Variants in PDE9A observed in about 807,000 individuals in gnomAD.
The protein encoded by PDE9A is high affinity cGMP-specific 3',5'-cyclic phosphodiesterase 9A.
Under a neutral mutation model 87.4 loss-of-function variants are expected in PDE9A, and 60 were observed. The observed-to-expected ratio is 0.69, with a 90% CI of 0.56 to 0.85. PDE9A has a LOEUF of 0.85. PDE9A is among the 40% of genes least tolerant of loss of function. The pLI is 0.00. For missense variants in PDE9A, 665 were observed against 779.0 expected (o/e 0.85, Z 1.74); for synonymous variants, 272 against 279.4 (o/e 0.97, Z 0.27).
At chr21:42,769,715 C>T (rs372858905) in intron 17 of PDE9A, among the ~76,000 whole-genome samples, 6 of 152,004 alleles carry the variant, frequency 3.9e-5, no homozygotes, top group Non-Finnish European at 5.9e-5. Flanking sequence ...CACAGGTACA[C>T]GCAGGCACAC....
intron 1 of PDE9A, among the ~76,000 whole-genome samples, chr21:42,683,177 C>T (rs868118802): frequency 2.0e-4 from 30 of 152,326 alleles, no homozygotes; most frequent in South Asian, 1.0e-3. Context: ...TCTCCACTGG[C>T]TCCTGGGCTG....
chr21:42,668,504 C>G (rs1443550989), intron 1 of PDE9A, among the ~76,000 whole-genome samples: 1 of 152,170 alleles, frequency 6.6e-6, no homozygotes, highest in Admixed American at 6.5e-5. Flanking sequence ...TCAGAAATGC[C>G]CCGTGAGAGT....
intron 17 of PDE9A, among the ~76,000 whole-genome samples, chr21:42,769,735 GGCACACACAT>G (rs1181625412): frequency 8.1e-5 from 4 of 49,434 alleles, no homozygotes; most frequent in South Asian, 1.1e-3. Context: ...CACGTACAGA[GGCACACACAT>G]GCACACACAG....
chr21:42,680,292 A>G lies in PDE9A; in HGVS notation c.70-5900A>G, dbSNP rs1349339622. On this transcript the variant is annotated intron_variant, in intron 1 of 19. Coordinates refer to ENST00000291539, the MANE Select transcript of PDE9A (RefSeq NM_002606.3). ...AAAAGAGTGTGATTGGGAGCTAGCC[A>G]GCGGGGCTTAAGGCAGCCCCCTGCT... 3.3e-5 allele frequency among the ~76,000 whole-genome samples: 5 copies of G among 152,200 alleles called. No homozygotes were observed. In the East Asian group the frequency reaches 9.7e-4, roughly 29 times the overall value.
chr21:42,671,556 A>G (rs1420582563), intron 1 of PDE9A, among the ~76,000 whole-genome samples: 2 of 152,258 alleles, frequency 1.3e-5, no homozygotes, highest in African/African-American at 4.8e-5. Flanking sequence ...CAAAATGAAC[A>G]ATATGTCCAA....
At chr21:42,753,615 C>T (rs1156928244) in intron 9 of PDE9A, among the ~76,000 whole-genome samples, 4 of 152,004 alleles carry the variant, frequency 2.6e-5, no homozygotes, top group Non-Finnish European at 5.9e-5. Context: ...GTAATCCCAA[C>T]ACTTGGGGAG....
intron 7 of PDE9A, among the ~76,000 whole-genome samples, chr21:42,742,197 T>C (rs776133862): frequency 5.3e-4 from 81 of 152,268 alleles, no homozygotes; most frequent in Non-Finnish European, 9.0e-4. Context: ...TGGGACTCTG[T>C]AACTGCCCAA....
At chr21:42,669,252 C>G (rs1195680823) in intron 1 of PDE9A, among the ~76,000 whole-genome samples, 2 of 152,110 alleles carry the variant, frequency 1.3e-5, no homozygotes, top group Non-Finnish European at 2.9e-5. Flanking sequence ...TAGAGGCTCC[C>G]CCGGAGATTC....
At chr21:42,693,694 G>T (rs2059995918) in intron 3 of PDE9A, among the ~76,000 whole-genome samples, 2 of 150,884 alleles carry the variant, frequency 1.3e-5, no homozygotes, top group South Asian at 4.2e-4. Flanking sequence ...CCAGGTTCCA[G>T]GGATTCTCCT....
chr21:42,714,616 T>C (rs562961376), intron 4 of PDE9A, among the ~76,000 whole-genome samples: 1,997 of 149,304 alleles, frequency 0.013, 61 homozygotes, highest in African/African-American at 0.046. Flanking sequence ...TACCAGTCTT[T>C]GTTGATATGG....
At chr21:42,670,573 C>T (rs2058475256) in intron 1 of PDE9A, among the ~76,000 whole-genome samples, 1 of 151,820 alleles carries the variant, frequency 6.6e-6, no homozygotes, top group South Asian at 2.1e-4. Flanking sequence ...CACATACACA[C>T]ACCACATACA....
At chr21:42,740,189 T>TC (rs1308198285) in intron 7 of PDE9A, among the ~76,000 whole-genome samples, 1 of 152,004 alleles carries the variant, frequency 6.6e-6, no homozygotes, top group Non-Finnish European at 1.5e-5. Context: ...CTAAAGTGGT[T>TC]CCCCAGCACT....
chr21:42,750,079 G>A (rs1370669533), intron 8 of PDE9A, among the ~76,000 whole-genome samples: 2 of 152,118 alleles, frequency 1.3e-5, no homozygotes, highest in South Asian at 2.1e-4. Flanking sequence ...CAGAGGTTGC[G>A]GTGAGCAAAG....
At chr21:42,687,540 G>A (rs748835815) in intron 2 of PDE9A, among the ~76,000 whole-genome samples, 3 of 151,994 alleles carry the variant, frequency 2.0e-5, no homozygotes, top group Admixed American at 6.6e-5. Flanking sequence ...CAGTTCAGAC[G>A]GACTCCCAAA....
intron 3 of PDE9A, among the ~76,000 whole-genome samples, chr21:42,688,304 G>C (rs9978070): frequency 0.037 from 5,556 of 152,118 alleles, 348 homozygotes; most frequent in African/African-American, 0.13. Flanking sequence ...CCAGGCCCCG[G>C]GATCCCCACA....
At chr21:42,733,755 T>A (rs928658347) in intron 7 of PDE9A, 1 of 333,262 alleles carries the variant, frequency 3.0e-6, no homozygotes, top group Non-Finnish European at 5.6e-6. Flanking sequence ...TGTGTGTAAA[T>A]GAAGACATTC....
chr21:42,664,146 TG>T, intron 1 of PDE9A, among the ~76,000 whole-genome samples: 1 of 152,144 alleles, frequency 6.6e-6, no homozygotes, highest in East Asian at 1.9e-4. Context: ...AAGAGAAAGC[TG>T]GGGGTTTAGT....
chr21:42,769,018 T>C lies in PDE9A; in HGVS notation c.1462-9T>C. 1 of 1,606,230 alleles carries C rather than the reference T, an allele frequency of 6.2e-7. No homozygotes were observed. The highest frequency in any genetic ancestry group is 8.5e-7 in the Non-Finnish European group (1 of 1,174,384). On this transcript the variant is annotated splice_polypyrimidine_tract_variant and intron_variant, in intron 16 of 19. Transcript: ENST00000291539. ...TCTCTAATGTCACTGTCTGCTGCAT[T>C]CCCTGCAGAGCGACCGTGAGAAGTC...
chr21:42,752,832 C>G lies in PDE9A; in HGVS notation c.736-1158C>G, dbSNP rs370509239. 4.5e-4 allele frequency among the ~76,000 whole-genome samples: 69 copies of G among 152,330 alleles called. 2 individuals carry two copies. The East Asian group carries it at 7.3e-3, about 16-fold the overall frequency. On this transcript the variant is annotated intron_variant, in intron 9 of 19. Coordinates refer to ENST00000291539, the MANE Select transcript of PDE9A (RefSeq NM_002606.3). The stretch of plus-strand genomic sequence containing the variant: ...GTCCTTGTGACAGCTTAACCTAAAG[C>G]CTGATGTCCTCAGAAGCAACCCAGG...
Sources: allele counts gnomAD v4.1 joint callset (sites outside exome capture counted in the v4.1 genomes callset), GRCh38; gene constraint gnomAD v4.1.1; transcripts MANE v1.5; gene names NCBI Gene and HGNC (gene_info 2026-07-23, HGNC 2026-07-21).